Variants in NTRK2 observed in about 807,000 individuals in gnomAD.
The protein encoded by NTRK2 is neurotrophic receptor tyrosine kinase 2.
NTRK2 carries 13 observed loss-of-function variants against 94.5 expected under a neutral mutation model. That is an observed-to-expected ratio of 0.14 (90% CI 0.09 to 0.22). The LOEUF (loss-of-function observed/expected upper bound fraction) is 0.22, where lower values mean the gene tolerates loss of function less well. NTRK2 is among the 10% of genes least tolerant of loss of function. The pLI is 1.00. For missense variants in NTRK2, 639 were observed against 1,071.2 expected (o/e 0.60, Z 5.63); for synonymous variants, 372 against 407.4 (o/e 0.91, Z 1.05).
intron 12 of NTRK2, among the ~76,000 whole-genome samples, chr9:84,770,438 C>T (rs2066442977): frequency 6.6e-6 from 1 of 152,136 alleles, no homozygotes; most frequent in African/African-American, 2.4e-5. Context: ...TCTTGCCTGG[C>T]TTCTTCCTCC....
intron 16 of NTRK2, among the ~76,000 whole-genome samples, chr9:84,954,250 A>T (rs1175848036): frequency 6.6e-6 from 1 of 152,152 alleles, no homozygotes; most frequent in Non-Finnish European, 1.5e-5. Flanking sequence ...TATTCCTTGC[A>T]CTGCAGCGCC....
At chr9:84,742,188 G>A (rs536882894) in intron 10 of NTRK2, among the ~76,000 whole-genome samples, 8 of 152,272 alleles carry the variant, frequency 5.3e-5, no homozygotes, top group South Asian at 2.1e-4. Flanking sequence ...AACAGACATC[G>A]TATTTCCTTA....
intron 15 of NTRK2, 108 bp from the exon 16 acceptor site, chr9:84,948,354 C>A: frequency 1.8e-6 from 2 of 1,123,990 alleles, no homozygotes; most frequent in Non-Finnish European, 2.6e-6. Flanking sequence ...TCCTTAGGAA[C>A]TAGGCTGTTT....
chr9:85,013,449 C>G (rs567392012), intron 17 of NTRK2, among the ~76,000 whole-genome samples: 4 of 152,054 alleles, frequency 2.6e-5, no homozygotes, highest in African/African-American at 7.2e-5. Flanking sequence ...ATTACAGGTG[C>G]GTGACACCAC....
At chr9:84,922,518 G>T (rs1339957919) in intron 14 of NTRK2, among the ~76,000 whole-genome samples, 1 of 152,108 alleles carries the variant, frequency 6.6e-6, no homozygotes, top group African/African-American at 2.4e-5. Context: ...ATTTTCTATA[G>T]GGAGAGACTG....
At chr9:84,812,351 C>T (rs2071902160) in intron 12 of NTRK2, 2 of 1,058,840 alleles carry the variant, frequency 1.9e-6, no homozygotes, top group Non-Finnish European at 2.3e-6. Context: ...ATACCCATGC[C>T]TTAAAGAGGG....
intron 2 of NTRK2, among the ~76,000 whole-genome samples, chr9:84,671,287 T>C (rs2131273860): frequency 6.6e-6 from 1 of 152,358 alleles, no homozygotes; most frequent in Middle Eastern, 3.4e-3. Context: ...ATGCACTAAC[T>C]TAGTTTTGGG....
At chr9:84,681,935 C>T (rs1437869538) in intron 2 of NTRK2, among the ~76,000 whole-genome samples, 1 of 152,146 alleles carries the variant, frequency 6.6e-6, no homozygotes, top group Non-Finnish European at 1.5e-5. Context: ...TTTTCTACAC[C>T]AGCAGCTCTA....
chr9:85,023,853 T>C lies in NTRK2; in HGVS notation c.*2416T>C, dbSNP rs1832907681. 4.4e-6 allele frequency: 1 copy of C among 229,122 alleles called. No homozygotes were observed. The highest frequency in any genetic ancestry group is 6.2e-5 in the East Asian group (1 of 16,006). The allele number at this position is 229,122 out of a possible 1,614,324, so 14.2% of individuals were successfully genotyped here. ...CTAATCTCGGGGGAAAAGCTACAAG[T>C]TATTTATTTTATTTTAAGAGAATAA... is the stretch of plus-strand genomic sequence containing the variant. On this transcript the variant is annotated 3_prime_UTR_variant, in exon 19 of 19. Coordinates refer to ENST00000277120, the MANE Select transcript of NTRK2 (RefSeq NM_006180.6).
At chr9:84,684,566 G>A (rs2059594795) in intron 2 of NTRK2, among the ~76,000 whole-genome samples, 2 of 152,126 alleles carry the variant, frequency 1.3e-5, no homozygotes, top group Admixed American at 6.6e-5. Context: ...ATATTGCCAA[G>A]TTGTTTTGCA....
At chr9:84,686,810 T>C (rs1297501018) in intron 2 of NTRK2, among the ~76,000 whole-genome samples, 1 of 152,180 alleles carries the variant, frequency 6.6e-6, no homozygotes, top group Non-Finnish European at 1.5e-5. Flanking sequence ...CTTGCAAAAC[T>C]CATCAAAAAA....
intron 2 of NTRK2, among the ~76,000 whole-genome samples, chr9:84,672,786 C>T (rs1385446235): frequency 6.6e-6 from 1 of 152,110 alleles, no homozygotes; most frequent in African/African-American, 2.4e-5. Context: ...ATCTTAGCTG[C>T]CTGATGTATA....
chr9:84,870,331 G>GTGTGTGTGTGTATATA lies in NTRK2; in HGVS notation c.1633+2901_1633+2902insGTGTGTGTGTATATAT, dbSNP rs1349303529. Among the ~76,000 whole-genome samples the GTGTGTGTGTGTATATA allele has an allele frequency of 3.1e-3, 98 of 31,170 alleles. 5 individuals carry two copies. Among genetic ancestry groups the GTGTGTGTGTGTATATA allele is most frequent in the African/African-American group, 8.3e-3 (94 of 11,334 alleles). 20.4% of individuals were successfully genotyped at this position (31,170 alleles called of 152,430 possible). A position where few individuals can be genotyped will look rare whatever the true frequency, so the allele number is the denominator to read the frequency against. Reference sequence around the variant, plus strand: ...ATACATATATGTGGGGTGTGTGTGTGTATATATATATATATATATATATAT... The same window carrying GTGTGTGTGTGTATATA: ...ATACATATATGTGGGGTGTGTGTGTGTGTGTGTGTGTATATATATATATATATATATATATATATAT... On this transcript the variant is annotated intron_variant, in intron 14 of 18. Coordinates refer to ENST00000277120, the MANE Select transcript of NTRK2 (RefSeq NM_006180.6).
intron 14 of NTRK2, among the ~76,000 whole-genome samples, chr9:84,871,021 AT>A (rs2132106975): frequency 6.6e-6 from 1 of 152,306 alleles, no homozygotes; most frequent in East Asian, 1.9e-4. Context: ...GATTCATTAC[AT>A]ATTTATTTAT....
intron 2 of NTRK2, among the ~76,000 whole-genome samples, chr9:84,686,686 T>G (rs1032472605): frequency 6.6e-6 from 1 of 152,236 alleles, no homozygotes; most frequent in Non-Finnish European, 1.5e-5. Context: ...ATACATATAC[T>G]TTTGCACTTT....
intron 6 of NTRK2, among the ~76,000 whole-genome samples, chr9:84,717,790 A>T (rs1184629770): frequency 6.6e-6 from 1 of 152,356 alleles, no homozygotes; most frequent in African/African-American, 2.4e-5. Context: ...AAATATATGT[A>T]TATCTTATAT....
intron 14 of NTRK2, among the ~76,000 whole-genome samples, chr9:84,927,960 A>G (rs2077882187): frequency 6.6e-6 from 1 of 152,204 alleles, no homozygotes; most frequent in Admixed American, 6.5e-5. Flanking sequence ...AAGTGTGGCT[A>G]TTGACCTCAT....
intron 17 of NTRK2, among the ~76,000 whole-genome samples, chr9:84,990,602 A>T (rs1828932197): frequency 6.6e-6 from 1 of 152,170 alleles, no homozygotes; most frequent in African/African-American, 2.4e-5. Flanking sequence ...AACTGTCAGA[A>T]ACATTGTGGT....
At chr9:84,776,603 A>G (rs2067070906) in intron 12 of NTRK2, among the ~76,000 whole-genome samples, 1 of 152,206 alleles carries the variant, frequency 6.6e-6, no homozygotes, top group Non-Finnish European at 1.5e-5. Context: ...GCCTGCCATG[A>G]TTTCATAGAT....
Sources: gnomAD v4.1 joint callset for allele counts (sites outside exome capture counted in the v4.1 genomes callset) on GRCh38, gnomAD v4.1.1 for gene constraint, MANE v1.5 for transcripts, NCBI Gene and HGNC (gene_info 2026-07-23, HGNC 2026-07-21) for gene names.